The following DCDC1 variants were observed in gnomAD, a reference collection of about 807,000 sequenced individuals.
The protein encoded by DCDC1 is doublecortin domain containing 1, also known as doublecortin domain-containing protein 1.
Under a neutral mutation model 178.3 loss-of-function variants are expected in DCDC1, and 200 were observed. The observed-to-expected ratio is 1.12, with a 90% CI of 1.00 to 1.26. DCDC1 has a LOEUF of 1.26. Ranked by LOEUF, DCDC1 falls within the 50% of genes most tolerant of loss-of-function variation. The pLI is 0.00. For synonymous variants in DCDC1, 690 were observed against 604.8 expected (o/e 1.14, Z -2.07); for missense variants, 1,983 against 1,749.2 (o/e 1.13, Z -2.38).
chr11:31,335,553 C>A lies in DCDC1; in HGVS notation c.-113G>T, dbSNP rs1421010912. On this transcript the variant is annotated 5_prime_UTR_variant, in exon 2 of 39. Transcript: ENST00000684477. ...ATCTTGGAATGGAATCTGGAATTTT[C>A]TTATTTGCAATCTGGAAAATAGAGT... is the stretch of plus-strand genomic sequence containing the variant. 1 of 152,252 alleles carries A rather than the reference C, an allele frequency of 6.6e-6. No homozygotes were observed. Among genetic ancestry groups the A allele is most frequent in the Non-Finnish European group, 1.5e-5 (1 of 68,072 alleles). The allele number at this position is 152,252 out of a possible 1,614,324, so 9.4% of individuals were successfully genotyped here.
chr11:31,270,954 T>G (rs1214883696), intron 7 of DCDC1, among the ~76,000 whole-genome samples: 1 of 152,140 alleles, frequency 6.6e-6, no homozygotes, highest in Non-Finnish European at 1.5e-5. Context: ...CATATCAACA[T>G]TACTATCATT....
At chr11:31,169,015 A>C (rs1173327099) in intron 9 of DCDC1, among the ~76,000 whole-genome samples, 4 of 152,214 alleles carry the variant, frequency 2.6e-5, no homozygotes, top group Non-Finnish European at 5.9e-5. Flanking sequence ...TGGATAAAGA[A>C]AACCTGGTAC....
intron 22 of DCDC1, among the ~76,000 whole-genome samples, chr11:30,929,613 CAAGT>C (rs1379655874): frequency 6.6e-6 from 1 of 151,934 alleles, no homozygotes; most frequent in Non-Finnish European, 1.5e-5. Context: ...CTAAGGAGCT[CAAGT>C]GAGTTCAGAG....
At chr11:31,004,826 G>C (rs1247550373) in intron 20 of DCDC1, among the ~76,000 whole-genome samples, 1 of 151,796 alleles carries the variant, frequency 6.6e-6, no homozygotes, top group East Asian at 1.9e-4. Context: ...TATAAAATCA[G>C]ATAAAAATAA....
intron 16 of DCDC1, 34 bp from the exon 17 acceptor site, chr11:31,091,545 A>C (rs1171156766): frequency 1.3e-5 from 9 of 709,032 alleles, no homozygotes; most frequent in Non-Finnish European, 2.3e-5. Flanking sequence ...GAAAGGTCTA[A>C]ATAAGTTAAA....
rs552692859 is a variant in DCDC1 at position 31,019,373 on chromosome 11, G to C, written c.2591+45096C>G. On this transcript the variant is annotated intron_variant, in intron 20 of 38. Transcript: ENST00000684477. Reference sequence around the variant, plus strand: ...TGTGGAGATAATGGTTCTTTGACGTGAGAAACTTAGAGAATTAAGAAGATA... The same window carrying C: ...TGTGGAGATAATGGTTCTTTGACGTCAGAAACTTAGAGAATTAAGAAGATA... 3.5e-3 allele frequency among the ~76,000 whole-genome samples: 528 copies of C among 152,170 alleles called. 1 individual carries two copies. Among genetic ancestry groups the C allele is most frequent in the Non-Finnish European group, 6.5e-3 (442 of 68,006 alleles).
intron 1 of DCDC1, among the ~76,000 whole-genome samples, chr11:31,348,305 G>A (rs1334816234): frequency 6.6e-6 from 1 of 152,088 alleles, no homozygotes. Context: ...GCATGCATGT[G>A]GAAGAAAGAC....
intron 20 of DCDC1, among the ~76,000 whole-genome samples, chr11:30,959,638 A>G (rs1428754305): frequency 6.6e-6 from 1 of 152,150 alleles, no homozygotes; most frequent in Non-Finnish European, 1.5e-5. Context: ...ATTGTCCCAC[A>G]GGGCATGGGC....
At chr11:30,920,545 AAAT>A (rs1256635795) in intron 25 of DCDC1, among the ~76,000 whole-genome samples, 4 of 152,196 alleles carry the variant, frequency 2.6e-5, no homozygotes, top group African/African-American at 7.2e-5. Context: ...AGCCTCTTAA[AAAT>A]AATAACATTG....
chr11:30,967,146 A>G lies in DCDC1; in HGVS notation c.2592-14578T>C, dbSNP rs1194560947. 3.2e-5 allele frequency among the ~76,000 whole-genome samples: 3 copies of G among 92,386 alleles called. No individual in the cohort carries two copies. The East Asian group carries it at 8.8e-4, about 27-fold the overall frequency. The allele number at this position is 92,386 out of a possible 152,430, so 60.6% of individuals were successfully genotyped here. A position where few individuals can be genotyped will look rare whatever the true frequency, so the allele number is the denominator to read the frequency against. On this transcript the variant is annotated intron_variant, in intron 20 of 38. Coordinates refer to ENST00000684477, the MANE Select transcript of DCDC1 (RefSeq NM_001387274.1). The stretch of plus-strand genomic sequence containing the variant: ...TTTTTCCAATTCTGTGAAGAAAGTC[A>G]TTGGTAGCTTGATGGGGATGGCATT...
At chr11:31,258,298 T>C (rs894576125) in intron 8 of DCDC1, among the ~76,000 whole-genome samples, 39 of 152,174 alleles carry the variant, frequency 2.6e-4, no homozygotes, top group African/African-American at 9.4e-4. Flanking sequence ...AAGACTGGTT[T>C]GAACAAAGGA....
chr11:30,906,461 T>A (rs1198914964), intron 30 of DCDC1, 79 bp downstream of exon 30: 6 of 1,421,720 alleles, frequency 4.2e-6, no homozygotes, highest in Non-Finnish European at 5.7e-6. Context: ...TGAACTTGAG[T>A]GCAAGGCAGA....
chr11:30,944,959 C>CTTTTTT (rs34334567), intron 21 of DCDC1, among the ~76,000 whole-genome samples: 2 of 65,518 alleles, frequency 3.1e-5, no homozygotes, highest in African/African-American at 1.3e-4. Context: ...ACAAAAATGT[C>CTTTTTT]TTTTTTTTTT....
intron 11 of DCDC1, among the ~76,000 whole-genome samples, chr11:31,127,129 A>G (rs534818629): frequency 1.3e-5 from 2 of 152,256 alleles, no homozygotes; most frequent in East Asian, 3.9e-4. Context: ...CATTTCTCCA[A>G]ATGTTATTTT....
intron 9 of DCDC1, among the ~76,000 whole-genome samples, chr11:31,220,730 G>A (rs1329617091): frequency 1.3e-5 from 2 of 152,186 alleles, no homozygotes; most frequent in Non-Finnish European, 2.9e-5. Flanking sequence ...GACTCTATTA[G>A]TCAGCTTGAG....
chr11:31,091,707 G>T (rs962502083), intron 16 of DCDC1, among the ~76,000 whole-genome samples, 196 bp from the exon 17 acceptor site: 4 of 152,128 alleles, frequency 2.6e-5, no homozygotes, highest in African/African-American at 2.4e-5. Context: ...TCCAACAAGG[G>T]TGGCATTTTA....
At chr11:31,187,562 T>C (rs73461543) in intron 9 of DCDC1, among the ~76,000 whole-genome samples, 7,904 of 152,170 alleles carry the variant, frequency 0.052, 546 homozygotes, top group African/African-American at 0.14. Flanking sequence ...GTTAAAAATA[T>C]AGACTGACAA....
intron 6 of DCDC1, among the ~76,000 whole-genome samples, chr11:31,297,180 C>T (rs1393053107): frequency 5.3e-5 from 8 of 152,092 alleles, no homozygotes; most frequent in African/African-American, 1.9e-4. Flanking sequence ...AAAGACTTGA[C>T]AAGACTTCAG....
At chr11:30,876,025 TGG>T (rs1942085909) in intron 38 of DCDC1, among the ~76,000 whole-genome samples, 1 of 152,178 alleles carries the variant, frequency 6.6e-6, no homozygotes, top group Non-Finnish European at 1.5e-5. Flanking sequence ...GCTAGAGCGA[TGG>T]GCAGAAAAAT....
Sources: gnomAD v4.1 joint callset for allele counts (sites outside exome capture counted in the v4.1 genomes callset) on GRCh38, gnomAD v4.1.1 for gene constraint, MANE v1.5 for transcripts, NCBI Gene and HGNC (gene_info 2026-07-23, HGNC 2026-07-21) for gene names.